KIDINS220: variants seen among roughly 807,000 people sequenced by gnomAD.
KIDINS220 encodes kinase D-interacting substrate of 220 kDa.
KIDINS220 carries 63 observed loss-of-function variants against 157.6 expected under a neutral mutation model. That is an observed-to-expected ratio of 0.40 (90% CI 0.33 to 0.49). The LOEUF is 0.49. KIDINS220 is among the 20% of genes least tolerant of loss of function. KIDINS220 has a pLI of 0.66. For synonymous variants in KIDINS220, 732 were observed against 783.6 expected (o/e 0.93, Z 1.10); for missense variants, 1,772 against 2,171.2 (o/e 0.82, Z 3.65).
In KIDINS220 at chr2:8,791,097, C is replaced by T; in HGVS notation, c.1404G>A (p.Trp468Ter). 3 of 1,613,920 alleles carry T rather than the reference C, an allele frequency of 1.9e-6. No homozygotes were observed. The highest frequency in any genetic ancestry group is 1.1e-5 in the South Asian group (1 of 91,022). ...PPICVGLYAQ[W>*]GSGKSFLLKK... Reference sequence around the variant, plus strand: ...TGAGTAAGAAAGATTTCCCACTTCCCCACTGTGCATATAACCCCACACAAA... The same window carrying T: ...TGAGTAAGAAAGATTTCCCACTTCCTCACTGTGCATATAACCCCACACAAA... Residue 468 changes from tryptophan (W) to a stop codon, truncating the protein, a stop_gained, in exon 13 of 30, where the codon TGG becomes TGA. Coordinates refer to ENST00000256707, the MANE Select transcript of KIDINS220 (RefSeq NM_020738.4). LOFTEE classifies it high-confidence loss of function.
In KIDINS220 at chr2:8,736,849, G is replaced by A. The variant is rs373964493; in HGVS notation, c.3717+19C>T. On this transcript the variant is annotated intron_variant, in intron 27 of 29. Coordinates refer to ENST00000256707, the MANE Select transcript of KIDINS220 (RefSeq NM_020738.4). Reference sequence around the variant, plus strand: ...GCCCCCAGCGCTGTCTCTGGTCCGTGTGTAAGTGGCTGCCTCACCTTTTTG... The same window carrying A: ...GCCCCCAGCGCTGTCTCTGGTCCGTATGTAAGTGGCTGCCTCACCTTTTTG... 6.8e-6 allele frequency: 11 copies of A among 1,613,704 alleles called. No individual in the cohort carries two copies. Among genetic ancestry groups the A allele is most frequent in the Non-Finnish European group, 9.3e-6 (11 of 1,179,844 alleles).
Position 8,791,198 on chromosome 2 carries a change from C to T in KIDINS220, c.1303G>A (p.Gly435Ser), listed in dbSNP as rs557448060. The change falls in exon 13 of 30, where the codon GGT becomes AGT. Residue 435 changes from glycine (G) to serine (S), a missense_variant. Gly to Ser is a moderately conservative substitution (Grantham distance 56). Coordinates refer to ENST00000256707, the MANE Select transcript of KIDINS220 (RefSeq NM_020738.4). ...TATAAATCATATCCAAGCATGTCAC[C>T]GTCTGTTTCAGTAGGAGACAAGTGT... ...ARHLSPTETDGDMLGYDLYSS... is the reference protein window; with the variant it reads ...ARHLSPTETDSDMLGYDLYSS... 13 of 1,613,692 alleles carry T rather than the reference C, an allele frequency of 8.1e-6. No individual in the cohort carries two copies. Among genetic ancestry groups the T allele is most frequent in the Middle Eastern group, 1.6e-4 (1 of 6,062 alleles).
At chr2:8,726,832 C>A, downstream of KIDINS220, 2 of 886,586 alleles carry the variant, frequency 2.3e-6, no homozygotes, top group Non-Finnish European at 3.2e-6. Flanking sequence ...TTGGCCAAAA[C>A]GTCCTAACGT....
chr2:8,767,262 A>G (rs1224010134), intron 22 of KIDINS220, among the ~76,000 whole-genome samples: 1 of 152,184 alleles, frequency 6.6e-6, no homozygotes, highest in Admixed American at 6.5e-5. Flanking sequence ...CAATAATTAT[A>G]TAAAAGATAG....
chr2:8,765,116 A>G (rs992322337), intron 22 of KIDINS220, among the ~76,000 whole-genome samples: 1 of 152,176 alleles, frequency 6.6e-6, no homozygotes, highest in African/African-American at 2.4e-5. Context: ...AGAGCACATG[A>G]AAAGTAAACA....
At chr2:8,733,334 G>T in intron 29 of KIDINS220, 110 bp downstream of exon 29, 1 of 923,716 alleles carries the variant, frequency 1.1e-6, no homozygotes, top group Non-Finnish European at 1.7e-6. Context: ...TGTTCACTTA[G>T]GTATTCAGTA....
intron 27 of KIDINS220, among the ~76,000 whole-genome samples, chr2:8,736,363 C>G (rs1279347810): frequency 6.6e-6 from 1 of 152,190 alleles, no homozygotes; most frequent in Non-Finnish European, 1.5e-5. Flanking sequence ...AATGCATTAA[C>G]CTTGCAAACC....
intron 2 of KIDINS220, 29 bp from the exon 3 acceptor site, chr2:8,818,822 T>TG: frequency 7.5e-7 from 1 of 1,324,870 alleles, no homozygotes; most frequent in Non-Finnish European, 1.1e-6. Context: ...AAAGGGAACT[T>TG]ATCAAGTTAC....
At chr2:8,766,930 A>C (rs1214011738) in intron 22 of KIDINS220, among the ~76,000 whole-genome samples, 1 of 152,262 alleles carries the variant, frequency 6.6e-6, no homozygotes, top group African/African-American at 2.4e-5. Context: ...AATAATGCAA[A>C]GCCAGAAATG....
intron 28 of KIDINS220, among the ~76,000 whole-genome samples, chr2:8,734,172 G>T (rs1239924149): frequency 6.6e-6 from 1 of 151,888 alleles, no homozygotes; most frequent in Non-Finnish European, 1.5e-5. Context: ...AGGAGTGGGG[G>T]ACTCTTGGTA....
At chr2:8,753,125 CAA>C in intron 22 of KIDINS220, among the ~76,000 whole-genome samples, 1 of 151,914 alleles carries the variant, frequency 6.6e-6, no homozygotes, top group Admixed American at 6.6e-5. Flanking sequence ...AGTTAAAAGA[CAA>C]GAGGTAGATG....
chr2:8,729,007 G>C lies in KIDINS220; in HGVS notation c.*1713C>G, dbSNP rs778104101. 21 of 979,352 alleles carry C rather than the reference G, an allele frequency of 2.1e-5. No individual in the cohort carries two copies. The highest frequency in any genetic ancestry group is 2.5e-5 in the Non-Finnish European group (21 of 824,100). 60.7% of individuals were successfully genotyped at this position (979,352 alleles called of 1,614,324 possible). On this transcript the variant is annotated 3_prime_UTR_variant, in exon 30 of 30. Coordinates refer to ENST00000256707, the MANE Select transcript of KIDINS220 (RefSeq NM_020738.4). ...GTATTAATTTCACAAACAGTATAAA[G>C]AATGTACTCCAATGATATTACGCGG... is the stretch of plus-strand genomic sequence containing the variant.
At chr2:8,781,731 A>G (rs939846787) in intron 17 of KIDINS220, among the ~76,000 whole-genome samples, 1 of 152,256 alleles carries the variant, frequency 6.6e-6, no homozygotes, top group Non-Finnish European at 1.5e-5. Context: ...AAAAATGGAA[A>G]CACAACTTAT....
rs200104720 is a variant in KIDINS220 at position 8,778,941 on chromosome 2, C to T, written c.2569G>A (p.Val857Ile). 8.9e-4 allele frequency: 1,431 copies of T among 1,614,132 alleles called. 3 individuals carry two copies. The highest frequency in any genetic ancestry group is 2.6e-3 in the Middle Eastern group (16 of 6,062). ...ACGTCTCCATTTGTTGCTGAAGTTA[C>T]GAGAAATTTTCTTGCATTGCTTAGT... Reference protein sequence around the residue: ...RGLSNARKFLVTSATNGDVPC... With the variant: ...RGLSNARKFLITSATNGDVPC... The change falls in exon 19 of 30, where the codon GTA becomes ATA. Residue 857 changes from valine (V) to isoleucine (I), a missense_variant. By Grantham distance (29) the Val-to-Ile change is conservative (BLOSUM62 3). Coordinates refer to ENST00000256707, the MANE Select transcript of KIDINS220 (RefSeq NM_020738.4).
intron 1 of KIDINS220, among the ~76,000 whole-genome samples, chr2:8,831,988 A>G (rs1183377814): frequency 6.6e-6 from 1 of 152,204 alleles, no homozygotes; most frequent in Non-Finnish European, 1.5e-5. Flanking sequence ...TTCTTTATCA[A>G]TTACAGCTTT....
chr2:8,827,949 C>A (rs1175081276), intron 1 of KIDINS220, among the ~76,000 whole-genome samples: 1 of 152,190 alleles, frequency 6.6e-6, no homozygotes, highest in Non-Finnish European at 1.5e-5. Flanking sequence ...GACTCTGCAT[C>A]TTTATCCAGC....
intron 23 of KIDINS220, among the ~76,000 whole-genome samples, chr2:8,751,098 G>T (rs1297698909): frequency 6.9e-6 from 1 of 145,228 alleles, no homozygotes; most frequent in African/African-American, 2.5e-5. Context: ...CCAAAGACTG[G>T]TGACAAGCAA....
At chr2:8,752,962 A>G (rs1010335719) in intron 22 of KIDINS220, among the ~76,000 whole-genome samples, 3 of 152,208 alleles carry the variant, frequency 2.0e-5, no homozygotes, top group African/African-American at 2.4e-5. Flanking sequence ...GAATGTAAAA[A>G]TAAGTAATAT....
At chr2:8,723,764 G>C (rs1663108165), downstream of KIDINS220, 2 of 152,226 alleles carry the variant, frequency 1.3e-5, no homozygotes, top group Admixed American at 1.3e-4. Context: ...AAAATGTAGA[G>C]TTGAACCATT....
Sources: allele counts gnomAD v4.1 joint callset (sites outside exome capture counted in the v4.1 genomes callset), GRCh38; gene constraint gnomAD v4.1.1; transcripts MANE v1.5; gene names NCBI Gene and HGNC (gene_info 2026-07-23, HGNC 2026-07-21).